The following USP6NL variants were observed in gnomAD, a reference collection of about 807,000 sequenced individuals.
USP6NL encodes USP6 N-terminal-like protein.
A neutral mutation model predicts 61.9 loss-of-function variants in USP6NL; 26 were observed. The ratio of observed to expected loss-of-function variants is 0.42; its 90% confidence interval spans 0.31 to 0.58. USP6NL has a LOEUF of 0.58. Ranked by LOEUF, USP6NL falls within the 20% of genes least tolerant of loss-of-function variation. The probability of loss-of-function intolerance (pLI) is 0.16; values close to 1 mark genes in which losing one functional copy is unlikely to be tolerated. For missense variants in USP6NL, 1,114 were observed against 1,034.3 expected, an observed-to-expected ratio of 1.08 and a Z score of -1.06; for synonymous variants, 432 against 390.1, an observed-to-expected ratio of 1.11 and a Z score of -1.27.
intron 2 of USP6NL, among the ~76,000 whole-genome samples, chr10:11,554,499 T>C (rs1836605651): frequency 6.6e-6 from 1 of 152,296 alleles, no homozygotes; most frequent in Non-Finnish European, 1.5e-5. Context: ...GGCAGCAACC[T>C]GGTAAGCACC....
In USP6NL at chr10:11,548,468, A is replaced by T. The variant is rs535778739; in HGVS notation, c.5-20901T>A. ...CAGAGCTTGACATTTTATTATTTTT[A>T]ATTAACTCATTTTCCATTTTGGTCC... On this transcript the variant is annotated intron_variant, in intron 2 of 14. Transcript: ENST00000609104. This position sits in a 1 kb window ranked among gnomAD's most constrained non-coding sequence, Gnocchi z 4.3. Among the ~76,000 whole-genome samples, 1,719 of 152,288 alleles carry T rather than the reference A, an allele frequency of 0.011. 33 individuals carry two copies. The highest frequency in any genetic ancestry group is 0.037 in the African/African-American group (1,526 of 41,546).
At chr10:11,538,285 T>C (rs1209158179) in intron 2 of USP6NL, among the ~76,000 whole-genome samples, 1 of 152,188 alleles carries the variant, frequency 6.6e-6, no homozygotes, top group Non-Finnish European at 1.5e-5. Flanking sequence ...TGTAAGCTGC[T>C]TAGATATGCT....
rs1836552310 is a variant in USP6NL at position 11,553,032 on chromosome 10, C to G, written c.5-25465G>C. 6.6e-6 allele frequency among the ~76,000 whole-genome samples: 1 copy of G among 152,114 alleles called. No homozygotes were observed. The highest frequency in any genetic ancestry group is 2.1e-4 in the South Asian group (1 of 4,830). On this transcript the variant is annotated intron_variant, in intron 2 of 14. Transcript: ENST00000609104. The surrounding 1 kb of genome is among the most constrained non-coding windows in gnomAD (Gnocchi z 4.8). ...TTCCTCTCTCTATGACTATGTGTAC[C>G]CATTGTTTCGCTCCTACTTATAAGT...
Position 11,555,112 on chromosome 10 carries a change from T to G in USP6NL, c.5-27545A>C, listed in dbSNP as rs1235498801. Reference sequence around the variant, plus strand: ...GGCCTGTTTTTTTTTTTTTTTGGTTTTTTTTTTTAAGAATCCTATGAGGCC... The same window carrying G: ...GGCCTGTTTTTTTTTTTTTTTGGTTGTTTTTTTTAAGAATCCTATGAGGCC... On this transcript the variant is annotated intron_variant, in intron 2 of 14. Coordinates refer to ENST00000609104, the MANE Select transcript of USP6NL (RefSeq NM_014688.5). Among the ~76,000 whole-genome samples, 662 of 148,590 alleles carry G rather than the reference T, an allele frequency of 4.5e-3. 3 individuals carry two copies. Among genetic ancestry groups the G allele is most frequent in the Non-Finnish European group, 7.7e-3 (518 of 66,926 alleles).
Position 11,537,603 on chromosome 10 carries a change from C to T in USP6NL, c.5-10036G>A, listed in dbSNP as rs1835882880. Among the ~76,000 whole-genome samples, 1 of 152,156 alleles carries T rather than the reference C, an allele frequency of 6.6e-6. No homozygotes were observed. The highest frequency in any genetic ancestry group is 2.1e-4 in the South Asian group (1 of 4,824). On this transcript the variant is annotated intron_variant, in intron 2 of 14. Coordinates refer to ENST00000609104, the MANE Select transcript of USP6NL (RefSeq NM_014688.5). The surrounding 1 kb of genome is among the most constrained non-coding windows in gnomAD (Gnocchi z 5.1). ...CACTGTATCATGCTTCAAATTAATA[C>T]TTTTTTATTTTTTCATTAAATTTGC...
chr10:11,592,842 T>C lies in USP6NL; in HGVS notation c.4+4789A>G, dbSNP rs564848313. Among the ~76,000 whole-genome samples, 1 of 152,344 alleles carries C rather than the reference T, an allele frequency of 6.6e-6. No individual in the cohort carries two copies. The highest frequency in any genetic ancestry group is 2.4e-5 in the African/African-American group (1 of 41,576). ...ACTGAGAGATTTAGTAATCTATTCA[T>C]TTATTTATAACATTATCTGCTCTAA... On this transcript the variant is annotated intron_variant, in intron 2 of 14. Coordinates refer to ENST00000609104, the MANE Select transcript of USP6NL (RefSeq NM_014688.5). This position sits in a 1 kb window ranked among gnomAD's most constrained non-coding sequence, Gnocchi z 4.7.
Position 11,463,997 on chromosome 10 carries a change from A to G in USP6NL, c.1079-148T>C, listed in dbSNP as rs1832324119. 8.7e-6 allele frequency: 7 copies of G among 802,408 alleles called. No homozygotes were observed. The highest frequency in any genetic ancestry group is 1.3e-5 in the Non-Finnish European group (7 of 525,618). 49.7% of individuals were successfully genotyped at this position (802,408 alleles called of 1,614,324 possible). ...CACTGTCATACAACACACTGTTTAT[A>G]CCACTTACACACACTGTTTATACCA... On this transcript the variant is annotated intron_variant, in intron 14 of 14. Transcript: ENST00000609104. This position sits in a 1 kb window ranked among gnomAD's most constrained non-coding sequence, Gnocchi z 6.3.
intron 14 of USP6NL, among the ~76,000 whole-genome samples, chr10:11,472,258 C>G (rs1832782171): frequency 6.6e-6 from 1 of 152,180 alleles, no homozygotes; most frequent in South Asian, 2.1e-4. Flanking sequence ...CTAACAGTCC[C>G]TAAAAAGCAA....
rs776124851 is a variant in USP6NL, at chr10:11,470,325, C to A, written c.1079-6476G>T. 6.6e-6 allele frequency among the ~76,000 whole-genome samples: 1 copy of A among 152,122 alleles called. No homozygotes were observed. The highest frequency in any genetic ancestry group is 1.5e-5 in the Non-Finnish European group (1 of 68,012). On this transcript the variant is annotated intron_variant, in intron 14 of 14. Coordinates refer to ENST00000609104, the MANE Select transcript of USP6NL (RefSeq NM_014688.5). This position sits in a 1 kb window ranked among gnomAD's most constrained non-coding sequence, Gnocchi z 5.4. The stretch of plus-strand genomic sequence containing the variant: ...ACAGCCTCTGTAGGGACAGAGGCCT[C>A]GGCTCCACCAGCAATACGGAACCCA...
chr10:11,506,467 C>A (rs1014548673), intron 6 of USP6NL, among the ~76,000 whole-genome samples: 6 of 151,904 alleles, frequency 3.9e-5, no homozygotes, highest in Admixed American at 3.9e-4. Context: ...CATAGCAAGA[C>A]CCTATCTCTA....
chr10:11,510,208 G>A lies in USP6NL; in HGVS notation c.196-533C>T, dbSNP rs1295080969. Among the ~76,000 whole-genome samples the A allele has an allele frequency of 6.6e-6, 1 of 152,106 alleles. No individual in the cohort carries two copies. Among genetic ancestry groups the A allele is most frequent in the African/African-American group, 2.4e-5 (1 of 41,414 alleles). ...TGCTGCCCTAAAGAAATTTGACCAG[G>A]TGCTAAGGACAATGGACAAGGAACA... On this transcript the variant is annotated intron_variant, in intron 5 of 14. Coordinates refer to ENST00000609104, the MANE Select transcript of USP6NL (RefSeq NM_014688.5). The surrounding 1 kb of genome is among the most constrained non-coding windows in gnomAD (Gnocchi z 4.8).
At chr10:11,557,703 GCA>G (rs1836767415) in intron 2 of USP6NL, among the ~76,000 whole-genome samples, 1 of 152,198 alleles carries the variant, frequency 6.6e-6, no homozygotes, top group Admixed American at 6.5e-5. Flanking sequence ...GTGCATGAGA[GCA>G]CAGAGACTCT....
Position 11,460,990 on chromosome 10 carries a change from C to T in USP6NL, c.*1451G>A, listed in dbSNP as rs2096212352. The stretch of plus-strand genomic sequence containing the variant: ...ATTATATACATAAAATATATTGTCA[C>T]ATTCACTAGCTAAACAAACGTTACT... On this transcript the variant is annotated 3_prime_UTR_variant, in exon 15 of 15. Transcript: ENST00000609104. The T allele has an allele frequency of 6.6e-6, 1 of 152,172 alleles. No homozygotes were observed. The highest frequency in any genetic ancestry group is 1.5e-5 in the Non-Finnish European group (1 of 68,022). The allele number at this position is 152,172 out of a possible 1,614,324, so 9.4% of individuals were successfully genotyped here.
At chr10:11,546,037 C>A (rs1244622991) in intron 2 of USP6NL, among the ~76,000 whole-genome samples, 4 of 152,188 alleles carry the variant, frequency 2.6e-5, no homozygotes, top group Admixed American at 2.6e-4. Flanking sequence ...ATTTTTAATA[C>A]CATTGATCTG....
rs142344068 is a variant in USP6NL at position 11,490,113 on chromosome 10, G to A, written c.543+719C>T. Among the ~76,000 whole-genome samples the A allele has an allele frequency of 2.6e-5, 4 of 152,306 alleles. No homozygotes were observed. The highest frequency in any genetic ancestry group is 4.4e-5 in the Non-Finnish European group (3 of 68,020). On this transcript the variant is annotated intron_variant, in intron 9 of 14. Transcript: ENST00000609104. This position sits in a 1 kb window ranked among gnomAD's most constrained non-coding sequence, Gnocchi z 4.5. ...GGCCCAACTAGTGCTTCCTTCCTATGAGATGTCCCTTTAAAAACCCCTTTT... is the reference window on the plus strand; with the variant it reads ...GGCCCAACTAGTGCTTCCTTCCTATAAGATGTCCCTTTAAAAACCCCTTTT...
intron 2 of USP6NL, among the ~76,000 whole-genome samples, chr10:11,549,560 C>A (rs1200200642): frequency 6.6e-6 from 1 of 152,124 alleles, no homozygotes; most frequent in Non-Finnish European, 1.5e-5. Flanking sequence ...TCAAAGAGCA[C>A]CCTAAGCAGC....
chr10:11,582,646 A>G (rs2133610972), intron 2 of USP6NL, among the ~76,000 whole-genome samples: 1 of 152,308 alleles, frequency 6.6e-6, no homozygotes. Context: ...GAACAGAAGT[A>G]TTTGTATTAA....
intron 10 of USP6NL, 115 bp from the exon 11 acceptor site, chr10:11,486,026 G>T: frequency 1.4e-6 from 1 of 719,476 alleles, no homozygotes; most frequent in Non-Finnish European, 2.1e-6. Context: ...ACATTCAGTA[G>T]TTACCAAAAT....
At chr10:11,488,163 G>GT (rs1478947534) in intron 10 of USP6NL, among the ~76,000 whole-genome samples, 1 of 152,162 alleles carries the variant, frequency 6.6e-6, no homozygotes, top group African/African-American at 2.4e-5. Flanking sequence ...TGTAATCCCA[G>GT]TATTTTGGGA....
Sources: gnomAD v4.1 joint callset for allele counts (sites outside exome capture counted in the v4.1 genomes callset) on GRCh38, gnomAD v4.1.1 for gene constraint, Gnocchi (gnomAD v3.1) non-coding constraint, MANE v1.5 for transcripts, NCBI Gene and HGNC (gene_info 2026-07-23, HGNC 2026-07-21) for gene names.